LARS1: variants seen among roughly 807,000 people sequenced by gnomAD.
LARS1 encodes the protein leucyl-tRNA synthetase 1.
In LARS1, 100 loss-of-function variants were observed where a neutral mutation model predicts 162.8. That is an observed-to-expected ratio of 0.61 (90% CI 0.52 to 0.73). The LOEUF is 0.73. Among genes scored for constraint, LARS1 ranks in the 30% least tolerant of loss-of-function variants. The pLI is 0.00. For missense variants in LARS1, 1,258 were observed against 1,408.9 expected, an observed-to-expected ratio of 0.89 and a Z score of 1.71; for synonymous variants, 457 against 462.8, an observed-to-expected ratio of 0.99 and a Z score of 0.16.
intron 1 of LARS1, among the ~76,000 whole-genome samples, chr5:146,180,156 A>C (rs780741952): frequency 1.3e-5 from 2 of 152,230 alleles, no homozygotes; most frequent in Non-Finnish European, 2.9e-5. Context: ...ACTTGAACCC[A>C]GGAGATCAAG....
At chr5:146,161,422 A>G (rs531722341) in intron 6 of LARS1, among the ~76,000 whole-genome samples, 1 of 152,228 alleles carries the variant, frequency 6.6e-6, no homozygotes, top group South Asian at 2.1e-4. Context: ...TTTTACTCAT[A>G]ATAGAACTTT....
Position 146,177,248 on chromosome 5 carries a change from C to T in LARS1, c.125+299G>A, listed in dbSNP as rs561231972. Among the ~76,000 whole-genome samples the T allele has an allele frequency of 9.5e-4, 144 of 151,882 alleles. 3 individuals are homozygous for T. The highest frequency in any genetic ancestry group is 9.5e-3 in the Admixed American group (144 of 15,218). ...TTGGGAGGCCGAGGCGGGTGGATCA[C>T]GAGGTCAGAAGATCGAGACCACCCT... On this transcript the variant is annotated intron_variant, in intron 2 of 31. Transcript: ENST00000394434.
intron 27 of LARS1, 29 bp downstream of exon 27, chr5:146,128,642 CA>C (rs755628860): frequency 7.3e-5 from 105 of 1,433,722 alleles, no homozygotes; most frequent in Admixed American, 2.8e-4. Flanking sequence ...ACAACACCAT[CA>C]GGGGGGAAAA....
At position 146,128,995 on chromosome 5, in the gene LARS1, T is replaced by A; in HGVS notation, c.2752A>T (p.Met918Leu). The change falls in exon 26 of 32, where the codon ATG (methionine) becomes TTG (leucine). Residue 918 changes from methionine to leucine, a missense_variant. Transcript: ENST00000394434. ...DLRLRLKNYM[M>L]PAKGKKTDKQ... is the part of the protein sequence containing the mutation. Reference sequence around the variant, plus strand: ...AACTTTACCTTCCCTTTAGCTGGCATCATATAGTTCTTGAGTCGTAGTCTA... The same window carrying A: ...AACTTTACCTTCCCTTTAGCTGGCAACATATAGTTCTTGAGTCGTAGTCTA... The A allele has an allele frequency of 6.3e-7, 1 of 1,590,204 alleles. No homozygotes were observed. Among genetic ancestry groups the A allele is most frequent in the East Asian group, 2.2e-5 (1 of 44,762 alleles).
In LARS1 at chr5:146,157,422, A is replaced by C; in HGVS notation, c.1046T>G (p.Val349Gly). 1.2e-6 allele frequency: 2 copies of C among 1,614,100 alleles called. No individual in the cohort carries two copies. Among genetic ancestry groups the C allele is most frequent in the Non-Finnish European group, 1.7e-6 (2 of 1,179,994 alleles). ...FTKDNGVVPV[V>G]KELMGEEILG... ...ACTTACCTCCCCCATTAATTCCTTA[A>C]CAACAGGCACCACGCCATTGTCTTT... Residue 349 changes from valine (V) to glycine (G), a missense_variant, in exon 10 of 32, where the codon GTT (valine) becomes GGT (glycine). Physicochemically the swap from Val to Gly is moderately radical, Grantham distance 109 (BLOSUM62 -3). Transcript: ENST00000394434.
In LARS1 at chr5:146,167,847, G is replaced by A. The variant is rs578216862; in HGVS notation, c.432+281C>T. On this transcript the variant is annotated intron_variant, in intron 5 of 31. Coordinates refer to ENST00000394434, the MANE Select transcript of LARS1 (RefSeq NM_020117.11). ...CCCGGCCTACGACCGGCTTACGCCC[G>A]GCTAATTTTTGTATTTTTAGTAGAG... Among the ~76,000 whole-genome samples, 10 of 130,258 alleles carry A rather than the reference G, an allele frequency of 7.7e-5. No homozygotes were observed. The South Asian group carries it at 9.7e-4, about 13-fold the overall frequency. The allele number at this position is 130,258 out of a possible 152,430, so 85.5% of individuals were successfully genotyped here. A position where few individuals can be genotyped will look rare whatever the true frequency, so the allele number is the denominator to read the frequency against.
intron 31 of LARS1, among the ~76,000 whole-genome samples, chr5:146,116,953 A>T (rs1278266025): frequency 6.6e-6 from 1 of 152,200 alleles, no homozygotes; most frequent in Admixed American, 6.5e-5. Flanking sequence ...GGCCTTTTAG[A>T]TATCAAGGCA....
At chr5:146,167,465 G>A (rs1399322223) in intron 5 of LARS1, among the ~76,000 whole-genome samples, 2 of 151,740 alleles carry the variant, frequency 1.3e-5, no homozygotes, top group African/African-American at 2.4e-5. Context: ...GTGCAGTGGC[G>A]TGATCTGGGC....
In LARS1 at chr5:146,133,684, T is replaced by C. The variant is rs141603722; in HGVS notation, c.2213-603A>G. Among the ~76,000 whole-genome samples, 46 of 93,572 alleles carry C rather than the reference T, an allele frequency of 4.9e-4. No individual in the cohort carries two copies. The East Asian group carries it at 0.012, about 25-fold the overall frequency. The allele number at this position is 93,572 out of a possible 152,430, so 61.4% of individuals were successfully genotyped here. On this transcript the variant is annotated intron_variant, in intron 22 of 31. Transcript: ENST00000394434. Reference sequence around the variant, plus strand: ...AGGATATCCCTACAATGGAACACTATAGGGTTGCAAAAAAAAAAAAAAAAA... The same window carrying C: ...AGGATATCCCTACAATGGAACACTACAGGGTTGCAAAAAAAAAAAAAAAAA...
In LARS1 at chr5:146,157,629, C is replaced by T. The variant is rs1195703778; in HGVS notation, c.840-1G>A. 1 of 1,612,402 alleles carries T rather than the reference C, an allele frequency of 6.2e-7. No homozygotes were observed. Among genetic ancestry groups the T allele is most frequent in the Non-Finnish European group, 8.5e-7 (1 of 1,179,622 alleles). On this transcript the variant is annotated splice_acceptor_variant, in intron 9 of 31. Transcript: ENST00000394434. LOFTEE classifies it high-confidence loss of function. ...GAAAATATTTTTACCTTTCAGGCCA[C>T]TGAGAAAAAAAAACAAATATTGATG...
intron 6 of LARS1, among the ~76,000 whole-genome samples, chr5:146,162,207 A>C (rs903320742): frequency 6.6e-6 from 1 of 152,228 alleles, no homozygotes; most frequent in African/African-American, 2.4e-5. Flanking sequence ...CTTTGCCCAG[A>C]TCCATCAGAG....
chr5:146,138,002 A>T (rs992850792), intron 21 of LARS1: 22 of 154,536 alleles, frequency 1.4e-4, no homozygotes, highest in African/African-American at 5.3e-4. Flanking sequence ...AGGCACCTGT[A>T]GTCCTAGCTA....
At chr5:146,159,664 G>A (rs905275433) in intron 7 of LARS1, among the ~76,000 whole-genome samples, 194 bp from the exon 8 acceptor site, 7 of 152,026 alleles carry the variant, frequency 4.6e-5, no homozygotes, top group African/African-American at 4.8e-5. Context: ...TTCTATCTTC[G>A]TCAAAGGTAA....
intron 10 of LARS1, among the ~76,000 whole-genome samples, chr5:146,156,858 T>G (rs966388368): frequency 1.3e-5 from 2 of 151,378 alleles, no homozygotes; most frequent in African/African-American, 4.9e-5. Context: ...AATAATATAA[T>G]GACTAATGCA....
intron 1 of LARS1, among the ~76,000 whole-genome samples, chr5:146,179,473 AT>A (rs758278973): frequency 7.2e-5 from 11 of 152,152 alleles, no homozygotes; most frequent in Non-Finnish European, 1.6e-4. Flanking sequence ...GTAAAATATA[AT>A]TTCTAATATT....
At chr5:146,157,131 G>A (rs1252938032) in intron 10 of LARS1, among the ~76,000 whole-genome samples, 1 of 152,204 alleles carries the variant, frequency 6.6e-6, no homozygotes, top group African/African-American at 2.4e-5. Context: ...TGAAGTCAGA[G>A]CAGTGGTTAC....
rs960119025 is a variant in LARS1, at chr5:146,175,685, G to A, written c.125+1862C>T. Among the ~76,000 whole-genome samples, 12 of 151,844 alleles carry A rather than the reference G, an allele frequency of 7.9e-5. No individual in the cohort carries two copies. In the East Asian group the frequency reaches 1.4e-3, roughly 17 times the overall value. ...TACTAAAAATACAAAAAAATTAGCC[G>A]GGCATGGTGGCAGCCGCCTGTAGTT... On this transcript the variant is annotated intron_variant, in intron 2 of 31. Transcript: ENST00000394434.
In LARS1 at chr5:146,157,355, T is replaced by G. The variant is rs764951945; in HGVS notation, c.1065+48A>C. On this transcript the variant is annotated intron_variant, in intron 10 of 31. Transcript: ENST00000394434. Reference sequence around the variant, plus strand: ...TTTCTCAATATTCATTGTTGAAATTTTCCTTGAAATTTACGCATTAAAATA... The same window carrying G: ...TTTCTCAATATTCATTGTTGAAATTGTCCTTGAAATTTACGCATTAAAATA... 11 of 1,497,744 alleles carry G rather than the reference T, an allele frequency of 7.3e-6. No individual in the cohort carries two copies. The Admixed American group carries it at 1.0e-4, about 14-fold the overall frequency. The allele number at this position is 1,497,744 out of a possible 1,614,324, so 92.8% of individuals were successfully genotyped here. A position where few individuals can be genotyped will look rare whatever the true frequency, so the allele number is the denominator to read the frequency against.
chr5:146,157,677 C>T (rs779427800), intron 9 of LARS1, 49 bp from the exon 10 acceptor site: 1 of 1,612,398 alleles, frequency 6.2e-7, no homozygotes, highest in Non-Finnish European at 8.5e-7. Context: ...AACTCTGTAA[C>T]AACTATCTGA....
Sources: gnomAD v4.1 joint callset for allele counts (sites outside exome capture counted in the v4.1 genomes callset) on GRCh38, gnomAD v4.1.1 for gene constraint, MANE v1.5 for transcripts, NCBI Gene and HGNC (gene_info 2026-07-23, HGNC 2026-07-21) for gene names.